Variants in ANAPC1 observed in about 807,000 individuals in gnomAD.
The protein encoded by ANAPC1 is anaphase promoting complex subunit 1, also known as anaphase-promoting complex subunit 1.
Under a neutral mutation model 208.0 loss-of-function variants are expected in ANAPC1, and 36 were observed. That is an observed-to-expected ratio of 0.17 (90% confidence interval 0.13 to 0.23). The LOEUF is 0.23. Among genes scored for constraint, ANAPC1 ranks in the 10% least tolerant of loss-of-function variants. The pLI is 1.00. For synonymous variants in ANAPC1, 378 were observed against 695.2 expected (o/e 0.54, Z 7.18); for missense variants, 942 against 2,011.6 (o/e 0.47, Z 10.17).
rs867850787 is a variant in ANAPC1 at position 111,791,331 on chromosome 2, C to T, written c.4712+1031G>A. Reference sequence around the variant, plus strand: ...AACAACTGGAACTTCACATCCTGCCCATGAGTATGTAAAATGGTACAAGTG... The same window carrying T: ...AACAACTGGAACTTCACATCCTGCCTATGAGTATGTAAAATGGTACAAGTG... On this transcript the variant is annotated intron_variant, in intron 38 of 47. Transcript: ENST00000341068. Among the ~76,000 whole-genome samples, 149 of 149,986 alleles carry T rather than the reference C, an allele frequency of 9.9e-4. No homozygotes were observed. In the Middle Eastern group the frequency reaches 0.014, roughly 14 times the overall value.
chr2:111,846,534 CATATATATAT>C (rs1158119946), intron 16 of ANAPC1, among the ~76,000 whole-genome samples: 1,980 of 68,272 alleles, frequency 0.029, 66 homozygotes, highest in Middle Eastern at 0.034. Flanking sequence ...TATACATATA[CATATATATAT>C]ATATATATAT....
chr2:111,824,239 G>T (rs1558693454), intron 24 of ANAPC1, among the ~76,000 whole-genome samples: 1 of 70,728 alleles, frequency 1.4e-5, no homozygotes, highest in Non-Finnish European at 3.0e-5. Flanking sequence ...AAGGTAAAAT[G>T]CAAAAAAAAA....
At chr2:111,844,554 A>G (rs1383577810) in intron 16 of ANAPC1, among the ~76,000 whole-genome samples, 1 of 141,126 alleles carries the variant, frequency 7.1e-6, no homozygotes. Flanking sequence ...GGATGACTAG[A>G]GCGAAACTCT....
chr2:111,879,384 C>A (rs1053566523), intron 2 of ANAPC1, among the ~76,000 whole-genome samples: 2 of 152,176 alleles, frequency 1.3e-5, no homozygotes, highest in Non-Finnish European at 2.9e-5. Flanking sequence ...TCCTGCTTCG[C>A]AATCACATAT....
intron 4 of ANAPC1, 32 bp from the exon 5 acceptor site, chr2:111,873,440 G>T: frequency 6.3e-7 from 1 of 1,596,624 alleles, no homozygotes; most frequent in Non-Finnish European, 8.5e-7. Context: ...AGACTTATGT[G>T]TTTTTTCCCT....
chr2:111,832,954 A>AAAAAAAAAAAAAAAAAC, intron 20 of ANAPC1, among the ~76,000 whole-genome samples: 1 of 150,404 alleles, frequency 6.6e-6, no homozygotes, highest in Non-Finnish European at 1.5e-5. Context: ...AAAAAAAAAA[A>AAAAAAAAAAAAAAAAAC]AAGCATCCTT....
intron 17 of ANAPC1, among the ~76,000 whole-genome samples, chr2:111,842,503 C>T (rs1409550935): frequency 1.3e-5 from 2 of 152,024 alleles, no homozygotes; most frequent in East Asian, 3.9e-4. Context: ...ATCAGCCAGG[C>T]GTGGTGGCGG....
intron 46 of ANAPC1, among the ~76,000 whole-genome samples, chr2:111,772,768 G>A (rs963521647): frequency 3.9e-5 from 6 of 152,130 alleles, no homozygotes; most frequent in Non-Finnish European, 4.4e-5. Flanking sequence ...TTGTCTCCCC[G>A]AAATACCCCT....
Position 111,818,922 on chromosome 2 carries a change from A to C in ANAPC1, c.3243T>G (p.Pro1081=). ...ACAAGGTAAACATTCCTCGTCCTAC[A>C]GGAAGAGCCATAGTTCGCTGACACA... ...LQLCQRTMAL[P]VGRGMFTLFS... The change falls in exon 27 of 48, where the codon CCT becomes CCG. Residue 1081 remains proline (P), a synonymous_variant. Transcript: ENST00000341068. The C allele has an allele frequency of 6.2e-7, 1 of 1,607,896 alleles. No homozygotes were observed. Among genetic ancestry groups the C allele is most frequent in the Non-Finnish European group, 8.5e-7 (1 of 1,176,846 alleles).
Position 111,834,637 on chromosome 2 carries a change from C to T in ANAPC1, c.2351G>A (p.Cys784Tyr), listed in dbSNP as rs369489022. The T allele has an allele frequency of 9.3e-6, 15 of 1,607,646 alleles. No homozygotes were observed. Among genetic ancestry groups the T allele is most frequent in the Non-Finnish European group, 1.0e-5 (12 of 1,177,446 alleles). ...CTGAACGAGAAGTTCAACAAGTGAA[C>T]AAATTCCTTCTCCCATTAGAGTATT... ...KLNTLMGEGI[C>Y]SLVELLVQLA... is the part of the protein sequence containing the mutation. The change falls in exon 19 of 48, where the codon TGT becomes TAT. Residue 784 changes from cysteine to tyrosine, a missense_variant. By Grantham distance (194) the Cys-to-Tyr change is radical. Coordinates refer to ENST00000341068, the MANE Select transcript of ANAPC1 (RefSeq NM_022662.4).
chr2:111,778,846 A>G, intron 44 of ANAPC1, 76 bp from the exon 45 acceptor site: 1 of 1,570,050 alleles, frequency 6.4e-7, no homozygotes, highest in South Asian at 1.2e-5. Context: ...TAGCACTACT[A>G]TGGCCCATTC....
chr2:111,881,359 A>G (rs553656328), intron 1 of ANAPC1, among the ~76,000 whole-genome samples: 2 of 152,296 alleles, frequency 1.3e-5, no homozygotes, highest in East Asian at 3.9e-4. Context: ...CCAATCTACA[A>G]AAGACATAGG....
chr2:111,878,655 C>G (rs1048883183), intron 3 of ANAPC1, among the ~76,000 whole-genome samples, 155 bp downstream of exon 3: 1 of 152,154 alleles, frequency 6.6e-6, no homozygotes, highest in African/African-American at 2.4e-5. Flanking sequence ...TATTTTCCTG[C>G]CATTATCTTC....
chr2:111,851,003 T>G, intron 13 of ANAPC1, 93 bp from the exon 14 acceptor site: 1 of 1,409,712 alleles, frequency 7.1e-7, no homozygotes, highest in Non-Finnish European at 9.4e-7. Flanking sequence ...CATATATTTC[T>G]TTTGATATTT....
intron 1 of ANAPC1, among the ~76,000 whole-genome samples, chr2:111,883,529 C>G (rs1234811097): frequency 6.6e-6 from 1 of 150,792 alleles, no homozygotes; most frequent in East Asian, 1.9e-4. Flanking sequence ...CAAACACTAC[C>G]CTGCCAAAAA....
chr2:111,777,783 G>A (rs1176547094), intron 45 of ANAPC1, among the ~76,000 whole-genome samples: 2 of 152,180 alleles, frequency 1.3e-5, no homozygotes, highest in Non-Finnish European at 1.5e-5. Context: ...TGGTTTGGGG[G>A]AATTATCCTC....
At chr2:111,882,532 C>G (rs1415760463) in intron 1 of ANAPC1, among the ~76,000 whole-genome samples, 1 of 150,372 alleles carries the variant, frequency 6.7e-6, no homozygotes, top group African/African-American at 2.4e-5. Flanking sequence ...GAGTTTGACA[C>G]AAGCCTGGCC....
At chr2:111,850,365 A>G (rs73956896) in intron 14 of ANAPC1, among the ~76,000 whole-genome samples, 3,299 of 152,248 alleles carry the variant, frequency 0.022, 111 homozygotes, top group African/African-American at 0.074. Flanking sequence ...ACGAAGACTG[A>G]CATGTCTCTC....
rs746348058 is a variant in ANAPC1 at position 111,863,862 on chromosome 2, C to G, written c.865G>C (p.Gly289Arg). The G allele has an allele frequency of 8.6e-5, 139 of 1,613,216 alleles. No individual in the cohort carries two copies. The highest frequency in any genetic ancestry group is 1.5e-5 in the Non-Finnish European group (18 of 1,179,680). ...ENVVLKFSEQ[G>R]GTPQNVATSS... is the part of the protein sequence containing the mutation. ...GTGGCCACATTCTGTGGGGTTCCCC[C>G]CTGTTCAGAGAACTTTAAAACAACA... Residue 289 changes from glycine to arginine, a missense_variant, in exon 9 of 48, where the codon GGG (glycine) becomes CGG (arginine). Transcript: ENST00000341068.
Sources: gnomAD v4.1 joint callset for allele counts (sites outside exome capture counted in the v4.1 genomes callset) on GRCh38, gnomAD v4.1.1 for gene constraint, MANE v1.5 for transcripts, NCBI Gene and HGNC (gene_info 2026-07-23, HGNC 2026-07-21) for gene names.